The following MALRD1 variants were observed in gnomAD, a reference collection of about 807,000 sequenced individuals.
MALRD1 encodes the protein MAM and LDL receptor class A domain containing 1, also known as MAM and LDL-receptor class A domain-containing protein 1.
MALRD1 carries 247 observed loss-of-function variants against 242.1 expected under a neutral mutation model. The observed-to-expected ratio is 1.02, with a 90% confidence interval of 0.92 to 1.13. The LOEUF is 1.13. Among genes scored for constraint, MALRD1 ranks in the 50% most tolerant of loss-of-function variants. The probability of loss-of-function intolerance (pLI) is 0.00; values close to 1 mark genes in which losing one functional copy is unlikely to be tolerated. For synonymous variants in MALRD1, 995 were observed against 866.6 expected (o/e 1.15, Z -2.60); for missense variants, 2,989 against 2,533.1 (o/e 1.18, Z -3.86).
chr10:19,501,981 T>G (rs1461272183), intron 31 of MALRD1, among the ~76,000 whole-genome samples: 1 of 146,778 alleles, frequency 6.8e-6, no homozygotes, highest in African/African-American at 2.6e-5. Flanking sequence ...GTGTCGTGTT[T>G]ACTCCATTGC....
intron 29 of MALRD1, among the ~76,000 whole-genome samples, chr10:19,465,557 G>A (rs538804691): frequency 3.9e-5 from 6 of 151,972 alleles, no homozygotes; most frequent in Non-Finnish European, 8.8e-5. Context: ...TTGAGTCATA[G>A]TCTCACTCTG....
Position 19,171,477 on chromosome 10 carries a change from C to T in MALRD1, c.1831-3731C>T, listed in dbSNP as rs1834933903. ...ATATATACACACATGTATATACACA[C>T]ACACATATATACACACACATATATA... On this transcript the variant is annotated intron_variant, in intron 13 of 39. Coordinates refer to ENST00000454679, the MANE Select transcript of MALRD1 (RefSeq NM_001142308.3). Among the ~76,000 whole-genome samples, 4 of 142,218 alleles carry T rather than the reference C, an allele frequency of 2.8e-5. 1 individual carries two copies. The highest frequency in any genetic ancestry group is 8.0e-5 in the African/African-American group (3 of 37,700). The allele number at this position is 142,218 out of a possible 152,430, so 93.3% of individuals were successfully genotyped here.
intron 36 of MALRD1, among the ~76,000 whole-genome samples, chr10:19,666,548 T>A (rs1841692417): frequency 6.6e-6 from 1 of 152,202 alleles, no homozygotes; most frequent in Admixed American, 6.5e-5. Context: ...CCTCCATTCT[T>A]ACCAAACTTA....
chr10:19,716,520 T>C (rs528398208), intron 38 of MALRD1, among the ~76,000 whole-genome samples: 10 of 152,342 alleles, frequency 6.6e-5, no homozygotes, highest in African/African-American at 2.4e-4. Flanking sequence ...GCTTCCTGTA[T>C]AGCCTGCGGA....
intron 13 of MALRD1, 65 bp downstream of exon 13, chr10:19,165,875 TAAC>T (rs1259143918): frequency 8.8e-7 from 1 of 1,138,464 alleles, no homozygotes; most frequent in Non-Finnish European, 1.1e-6. Flanking sequence ...ACCTTTCAGA[TAAC>T]AATATAACAC....
At chr10:19,164,407 T>C (rs965297696) in intron 12 of MALRD1, among the ~76,000 whole-genome samples, 9 of 152,120 alleles carry the variant, frequency 5.9e-5, no homozygotes, top group Admixed American at 2.6e-4. Flanking sequence ...AGCACAATGA[T>C]GAATGGGAAA....
At chr10:19,415,735 A>G (rs909697000) in intron 28 of MALRD1, among the ~76,000 whole-genome samples, 3 of 152,194 alleles carry the variant, frequency 2.0e-5, no homozygotes, top group Admixed American at 2.0e-4. Context: ...CAGCTTTCAT[A>G]TCAAAGAGAG....
chr10:19,568,790 A>G (rs1238373448), intron 33 of MALRD1, among the ~76,000 whole-genome samples: 2 of 152,130 alleles, frequency 1.3e-5, no homozygotes, highest in Non-Finnish European at 2.9e-5. Context: ...ATAACACCTT[A>G]TCCAAATCCA....
intron 28 of MALRD1, among the ~76,000 whole-genome samples, chr10:19,412,556 G>C (rs929340069): frequency 6.6e-6 from 1 of 152,184 alleles, no homozygotes; most frequent in Admixed American, 6.5e-5. Flanking sequence ...ATGAAGACAT[G>C]ATGAGCTAAG....
At chr10:19,485,889 A>T (rs1461203049) in intron 29 of MALRD1, among the ~76,000 whole-genome samples, 1 of 152,050 alleles carries the variant, frequency 6.6e-6, no homozygotes, top group East Asian at 1.9e-4. Flanking sequence ...TAATGGAATT[A>T]TTAACTAAAT....
At chr10:19,290,945 C>T (rs1004401732) in intron 21 of MALRD1, among the ~76,000 whole-genome samples, 1 of 152,100 alleles carries the variant, frequency 6.6e-6, no homozygotes, top group Admixed American at 6.6e-5. Flanking sequence ...AGTCTCTTAG[C>T]CCAGGCAGTG....
chr10:19,713,914 T>G (rs1834258224), intron 38 of MALRD1, among the ~76,000 whole-genome samples: 1 of 152,152 alleles, frequency 6.6e-6, no homozygotes, highest in South Asian at 2.1e-4. Flanking sequence ...TTGCAGAGCA[T>G]GCAATGGGTG....
At chr10:19,278,699 A>G (rs1387779645) in intron 19 of MALRD1, among the ~76,000 whole-genome samples, 1 of 152,170 alleles carries the variant, frequency 6.6e-6, no homozygotes, top group Admixed American at 6.5e-5. Context: ...GATGTAAACT[A>G]TTTAATGGCA....
chr10:19,185,814 A>AGTGTGTGTGTGTGTGTGT (rs5783657), intron 14 of MALRD1, among the ~76,000 whole-genome samples: 4 of 148,284 alleles, frequency 2.7e-5, no homozygotes, highest in South Asian at 2.2e-4. Context: ...GTTTTGAGAT[A>AGTGTGTGTGTGTGTGTGT]GTGTGTGTGT....
intron 31 of MALRD1, among the ~76,000 whole-genome samples, chr10:19,504,835 A>G (rs1025996238): frequency 1.3e-5 from 2 of 150,722 alleles, no homozygotes; most frequent in Admixed American, 6.6e-5. Context: ...GGCGCCCGCC[A>G]CCGCGCCCGG....
At chr10:19,604,377 T>C (rs1360399137) in intron 34 of MALRD1, among the ~76,000 whole-genome samples, 2 of 152,170 alleles carry the variant, frequency 1.3e-5, no homozygotes, top group Non-Finnish European at 2.9e-5. Context: ...ATGGGTTCAT[T>C]ATTTGACACA....
intron 12 of MALRD1, among the ~76,000 whole-genome samples, chr10:19,165,145 A>T (rs1216267110): frequency 6.6e-6 from 1 of 150,620 alleles, no homozygotes; most frequent in Non-Finnish European, 1.5e-5. Flanking sequence ...AGGATTCTGG[A>T]AACTTCCATG....
chr10:19,356,798 C>T (rs1185971454), intron 26 of MALRD1, among the ~76,000 whole-genome samples: 1 of 151,992 alleles, frequency 6.6e-6, no homozygotes, highest in Non-Finnish European at 1.5e-5. Context: ...AGCTATTTTC[C>T]TATTTAATAG....
intron 21 of MALRD1, among the ~76,000 whole-genome samples, chr10:19,284,677 G>C (rs1230630534): frequency 1.5e-5 from 2 of 131,048 alleles, no homozygotes; most frequent in African/African-American, 5.8e-5. Flanking sequence ...TTGGTTCCAA[G>C]TCTTTGCTAT....
Sources: allele counts gnomAD v4.1 joint callset (sites outside exome capture counted in the v4.1 genomes callset), GRCh38; gene constraint gnomAD v4.1.1; transcripts MANE v1.5; gene names NCBI Gene and HGNC (gene_info 2026-07-23, HGNC 2026-07-21).